CTNNA3: variants seen among roughly 807,000 people sequenced by gnomAD.
CTNNA3 encodes catenin alpha 3, also known as catenin alpha-3.
Under a neutral mutation model 95.7 loss-of-function variants are expected in CTNNA3, and 76 were observed. The observed-to-expected ratio is 0.79, with a 90% CI of 0.66 to 0.96. The LOEUF is 0.96. CTNNA3 is among the 40% of genes least tolerant of loss of function. The pLI is 0.00. For missense variants in CTNNA3, 1,191 were observed against 1,089.8 expected, an observed-to-expected ratio of 1.09 and a Z score of -1.31; for synonymous variants, 431 against 374.4, an observed-to-expected ratio of 1.15 and a Z score of -1.74.
chr10:67,598,220 C>A (rs1842982437), intron 3 of CTNNA3, among the ~76,000 whole-genome samples: 1 of 152,142 alleles, frequency 6.6e-6, no homozygotes, highest in Non-Finnish European at 1.5e-5. Flanking sequence ...GGGTTCCATG[C>A]AGGCTGGATT....
chr10:67,496,023 T>A (rs1183401193), intron 5 of CTNNA3, among the ~76,000 whole-genome samples: 1 of 152,248 alleles, frequency 6.6e-6, no homozygotes, highest in South Asian at 2.1e-4. Flanking sequence ...CCTGTTATTA[T>A]GTGAATAATC....
intron 5 of CTNNA3, among the ~76,000 whole-genome samples, chr10:67,436,957 GC>G (rs999762923): frequency 6.6e-6 from 1 of 152,146 alleles, no homozygotes; most frequent in African/African-American, 2.4e-5. Flanking sequence ...ATTTGATCCA[GC>G]AATCCCACTA....
chr10:66,801,579 T>C (rs1841432526), intron 7 of CTNNA3, among the ~76,000 whole-genome samples: 2 of 151,576 alleles, frequency 1.3e-5, no homozygotes, highest in East Asian at 1.9e-4. Context: ...CTCTGAAAAC[T>C]ATGAAATATT....
intron 9 of CTNNA3, among the ~76,000 whole-genome samples, chr10:66,656,568 A>T (rs1027272068): frequency 1.3e-5 from 2 of 152,128 alleles, no homozygotes; most frequent in African/African-American, 4.8e-5. Context: ...TTCAACACCC[A>T]TTCTAACACT....
intron 7 of CTNNA3, among the ~76,000 whole-genome samples, chr10:67,163,199 A>G (rs1861622226): frequency 1.3e-5 from 2 of 152,008 alleles, no homozygotes; most frequent in Non-Finnish European, 2.9e-5. Flanking sequence ...CTTCATTAAT[A>G]GAGATGAAAA....
At chr10:67,294,773 C>T (rs1839970896) in intron 5 of CTNNA3, among the ~76,000 whole-genome samples, 1 of 152,104 alleles carries the variant, frequency 6.6e-6, no homozygotes, top group Non-Finnish European at 1.5e-5. Context: ...ATATCCTTTA[C>T]CAACCATTAT....
intron 7 of CTNNA3, among the ~76,000 whole-genome samples, chr10:66,804,848 C>T (rs1300697356): frequency 6.6e-6 from 1 of 152,038 alleles, no homozygotes. Context: ...GGCATGTTTG[C>T]AAGGCTGGCC....
intron 3 of CTNNA3, among the ~76,000 whole-genome samples, chr10:67,564,468 GA>G (rs1210997553): frequency 8.3e-6 from 1 of 120,854 alleles, no homozygotes; most frequent in African/African-American, 3.3e-5. Flanking sequence ...ACAGGGTGGG[GA>G]ACATCACACA....
intron 15 of CTNNA3, among the ~76,000 whole-genome samples, chr10:66,018,308 G>A (rs925155661): frequency 1.3e-5 from 2 of 151,688 alleles, no homozygotes; most frequent in Admixed American, 1.3e-4. Context: ...TGTATTCACT[G>A]CTTTTTAGTT....
intron 7 of CTNNA3, among the ~76,000 whole-genome samples, chr10:67,109,998 A>T (rs1858833724): frequency 6.6e-6 from 1 of 152,248 alleles, no homozygotes; most frequent in African/African-American, 2.4e-5. Context: ...AATTATGAAG[A>T]GTGTGCAGTA....
intron 1 of CTNNA3, among the ~76,000 whole-genome samples, chr10:67,679,117 C>T (rs1046710148): frequency 1.3e-5 from 2 of 152,108 alleles, no homozygotes; most frequent in African/African-American, 4.8e-5. Flanking sequence ...TAAGAGAATG[C>T]TTAACAATTT....
intron 5 of CTNNA3, among the ~76,000 whole-genome samples, chr10:67,434,061 C>G (rs528229210): frequency 6.6e-6 from 1 of 152,038 alleles, no homozygotes; most frequent in Non-Finnish European, 1.5e-5. Flanking sequence ...TTCATTTGAA[C>G]CACATATTAG....
intron 15 of CTNNA3, among the ~76,000 whole-genome samples, chr10:65,990,096 T>TACACAC (rs377426492): frequency 7.8e-4 from 115 of 147,520 alleles, no homozygotes; most frequent in African/African-American, 2.5e-3. Context: ...TGTGTGTGTA[T>TACACAC]ACACACACAC....
chr10:66,058,300 A>G (rs1176480439), intron 15 of CTNNA3, among the ~76,000 whole-genome samples: 1 of 151,976 alleles, frequency 6.6e-6, no homozygotes, highest in Admixed American at 6.6e-5. Context: ...TTTCTATTCC[A>G]TCTCTCAGGG....
intron 4 of CTNNA3, among the ~76,000 whole-genome samples, chr10:67,525,637 G>A (rs879733777): frequency 1.3e-5 from 2 of 152,054 alleles, no homozygotes; most frequent in Non-Finnish European, 2.9e-5. Context: ...AGAAAGACAC[G>A]AAGAAATAGG....
chr10:67,529,846 T>C (rs1840271869), intron 4 of CTNNA3, among the ~76,000 whole-genome samples: 1 of 152,162 alleles, frequency 6.6e-6, no homozygotes, highest in African/African-American at 2.4e-5. Context: ...TCATCTTGAA[T>C]TGTAACTCCC....
intron 13 of CTNNA3, among the ~76,000 whole-genome samples, chr10:66,233,905 T>C: frequency 6.6e-6 from 1 of 152,334 alleles, no homozygotes; most frequent in South Asian, 2.1e-4. Flanking sequence ...AGAATGCTTT[T>C]CCAGTAAGGA....
intron 7 of CTNNA3, among the ~76,000 whole-genome samples, chr10:66,954,036 GTTAC>G (rs1848672295): frequency 6.6e-6 from 1 of 152,144 alleles, no homozygotes; most frequent in African/African-American, 2.4e-5. Context: ...AATACTAGCT[GTTAC>G]TTCCATTCTG....
chr10:66,648,166 A>G (rs1443229467), intron 9 of CTNNA3, among the ~76,000 whole-genome samples: 3 of 152,138 alleles, frequency 2.0e-5, no homozygotes, highest in Non-Finnish European at 4.4e-5. Context: ...AAACCCTGAC[A>G]GCTCATTAGC....
Sources: gnomAD v4.1 joint callset for allele counts (sites outside exome capture counted in the v4.1 genomes callset) on GRCh38, gnomAD v4.1.1 for gene constraint, MANE v1.5 for transcripts, NCBI Gene and HGNC (gene_info 2026-07-23, HGNC 2026-07-21) for gene names.